The following B3GALT1 variants were observed in gnomAD, a reference collection of about 807,000 sequenced individuals.
B3GALT1 encodes the protein beta-1,3-galactosyltransferase 1.
A neutral mutation model predicts 23.2 loss-of-function variants in B3GALT1; 10 were observed. The ratio of observed to expected loss-of-function variants is 0.43; its 90% CI spans 0.27 to 0.73. B3GALT1 has a LOEUF of 0.73. Ranked by LOEUF, B3GALT1 falls within the 30% of genes least tolerant of loss-of-function variation. The pLI, the probability that B3GALT1 is intolerant of heterozygous loss-of-function variation, is 0.21. For missense variants in B3GALT1, 299 were observed against 405.4 expected (o/e 0.74, Z 2.25); for synonymous variants, 156 against 141.5 (o/e 1.10, Z -0.73).
At chr2:167,756,228 A>G (rs777940151) in intron 3 of B3GALT1, among the ~76,000 whole-genome samples, 1 of 152,034 alleles carries the variant, frequency 6.6e-6, no homozygotes, top group Non-Finnish European at 1.5e-5. Context: ...TCTACTTCCA[A>G]CTGCTAAGAT....
chr2:167,683,033 T>C (rs754579928), intron 3 of B3GALT1, among the ~76,000 whole-genome samples: 9 of 152,200 alleles, frequency 5.9e-5, no homozygotes, highest in Non-Finnish European at 8.8e-5. Context: ...TCTAATGTAT[T>C]ACTATTATGA....
intron 1 of B3GALT1, among the ~76,000 whole-genome samples, chr2:167,325,372 C>T (rs969731202): frequency 2.0e-5 from 3 of 151,898 alleles, no homozygotes; most frequent in Non-Finnish European, 2.9e-5. Flanking sequence ...GGAGCTTTTA[C>T]TTGTGGAAGA....
At chr2:167,775,306 C>G (rs1310500115) in intron 3 of B3GALT1, among the ~76,000 whole-genome samples, 2 of 152,134 alleles carry the variant, frequency 1.3e-5, no homozygotes, top group Non-Finnish European at 2.9e-5. Context: ...CGTGGTATCT[C>G]ACGCCTGTAA....
chr2:167,441,646 A>T (rs1698895227), intron 1 of B3GALT1, among the ~76,000 whole-genome samples: 1 of 152,292 alleles, frequency 6.6e-6, no homozygotes, highest in Non-Finnish European at 1.5e-5. Context: ...TTATATTTTT[A>T]ACAGTGGGTT....
At chr2:167,332,744 C>G (rs561007875) in intron 1 of B3GALT1, among the ~76,000 whole-genome samples, 1 of 152,266 alleles carries the variant, frequency 6.6e-6, no homozygotes, top group African/African-American at 2.4e-5. Context: ...AGATTTTTGC[C>G]ACATAGACAG....
intron 2 of B3GALT1, among the ~76,000 whole-genome samples, chr2:167,494,520 A>G (rs1461480360): frequency 6.6e-6 from 1 of 152,146 alleles, no homozygotes; most frequent in African/African-American, 2.4e-5. Context: ...TCAAAGAAAA[A>G]TGAGACTCTA....
intron 1 of B3GALT1, among the ~76,000 whole-genome samples, chr2:167,368,769 T>C (rs1697631308): frequency 6.6e-6 from 1 of 152,224 alleles, no homozygotes; most frequent in African/African-American, 2.4e-5. Context: ...CTTACCATGT[T>C]GTCTAACTAT....
intron 1 of B3GALT1, among the ~76,000 whole-genome samples, chr2:167,367,743 T>G (rs1032331860): frequency 4.6e-5 from 7 of 151,728 alleles, no homozygotes; most frequent in Admixed American, 1.3e-4. Context: ...CCTTGCCAAA[T>G]AAAAAAAAGA....
intron 1 of B3GALT1, among the ~76,000 whole-genome samples, chr2:167,331,081 T>C (rs994974304): frequency 7.2e-5 from 11 of 151,992 alleles, no homozygotes; most frequent in Non-Finnish European, 1.6e-4. Context: ...TACAGTCTGG[T>C]GTTATGATTT....
At chr2:167,694,586 GA>G (rs1241956715) in intron 3 of B3GALT1, among the ~76,000 whole-genome samples, 2 of 151,508 alleles carry the variant, frequency 1.3e-5, no homozygotes, top group Non-Finnish European at 3.0e-5. Context: ...GAAAAAGTAA[GA>G]AAAAAAAGTT....
chr2:167,413,305 G>A (rs1559089107), intron 1 of B3GALT1, among the ~76,000 whole-genome samples: 1 of 151,964 alleles, frequency 6.6e-6, no homozygotes, highest in East Asian at 1.9e-4. Flanking sequence ...ATGTTTATGT[G>A]TACTTAAACA....
At chr2:167,602,100 A>G (rs1488247246) in intron 2 of B3GALT1, among the ~76,000 whole-genome samples, 6 of 152,192 alleles carry the variant, frequency 3.9e-5, no homozygotes, top group Non-Finnish European at 8.8e-5. Context: ...AAACATTGAT[A>G]TAGAGTATCT....
chr2:167,634,129 TA>T, intron 2 of B3GALT1, among the ~76,000 whole-genome samples: 1 of 152,150 alleles, frequency 6.6e-6, no homozygotes, highest in Non-Finnish European at 1.5e-5. Context: ...AAGGCAGAAA[TA>T]AATAAATTCT....
chr2:167,512,648 A>ATTTT (rs1279731673), intron 2 of B3GALT1, among the ~76,000 whole-genome samples: 3 of 131,324 alleles, frequency 2.3e-5, no homozygotes, highest in Admixed American at 8.1e-5. Flanking sequence ...ATATATATAT[A>ATTTT]TATTTTGAGA....
At chr2:167,477,960 A>G (rs1699509394) in intron 1 of B3GALT1, among the ~76,000 whole-genome samples, 1 of 152,262 alleles carries the variant, frequency 6.6e-6, no homozygotes, top group South Asian at 2.1e-4. Flanking sequence ...GTTTCAAACA[A>G]GATTGATATT....
chr2:167,381,710 T>C (rs1697850039), intron 1 of B3GALT1, among the ~76,000 whole-genome samples: 1 of 152,224 alleles, frequency 6.6e-6, no homozygotes, highest in Non-Finnish European at 1.5e-5. Flanking sequence ...ATTGCCAACT[T>C]TATGAAGATA....
At chr2:167,826,596 G>T (rs1689234592) in intron 4 of B3GALT1, among the ~76,000 whole-genome samples, 1 of 152,134 alleles carries the variant, frequency 6.6e-6, no homozygotes, top group Non-Finnish European at 1.5e-5. Flanking sequence ...GACCAGTATT[G>T]AATAAGGCTC....
At chr2:167,362,838 C>T (rs1289246855) in intron 1 of B3GALT1, among the ~76,000 whole-genome samples, 2 of 152,134 alleles carry the variant, frequency 1.3e-5, no homozygotes, top group African/African-American at 4.8e-5. Flanking sequence ...GCAGCATTCA[C>T]AAAGACTTTT....
At chr2:167,402,367 A>G (rs1277037378) in intron 1 of B3GALT1, among the ~76,000 whole-genome samples, 1 of 152,126 alleles carries the variant, frequency 6.6e-6, no homozygotes, top group African/African-American at 2.4e-5. Context: ...CAAAATACCT[A>G]TCAAATAAAG....
Sources: allele counts gnomAD v4.1 joint callset (sites outside exome capture counted in the v4.1 genomes callset), GRCh38; gene constraint gnomAD v4.1.1; transcripts MANE v1.5; gene names NCBI Gene and HGNC (gene_info 2026-07-23, HGNC 2026-07-21).